PPFIBP2: variants seen among roughly 807,000 people sequenced by gnomAD.
The protein encoded by PPFIBP2 is liprin-beta-2.
In PPFIBP2, 118 loss-of-function variants were observed where a neutral mutation model predicts 118.3. The observed-to-expected ratio is 1.00, with a 90% CI of 0.86 to 1.16. The LOEUF is 1.16. Among genes scored for constraint, PPFIBP2 ranks in the 50% most tolerant of loss-of-function variants. The probability of loss-of-function intolerance (pLI) is 0.00; values close to 1 mark genes in which losing one functional copy is unlikely to be tolerated. For synonymous variants in PPFIBP2, 414 were observed against 397.4 expected, an observed-to-expected ratio of 1.04 and a Z score of -0.50; for missense variants, 1,195 against 1,073.1, an observed-to-expected ratio of 1.11 and a Z score of -1.59.
At chr11:7,559,218 G>A (rs183999270) in intron 2 of PPFIBP2, among the ~76,000 whole-genome samples, 46 of 152,310 alleles carry the variant, frequency 3.0e-4, no homozygotes, top group African/African-American at 9.6e-4. Flanking sequence ...AGAAATCTGG[G>A]GGGCAAATCT....
At chr11:7,626,040 C>A in intron 8 of PPFIBP2, 149 bp downstream of exon 8, 1 of 653,770 alleles carries the variant, frequency 1.5e-6, no homozygotes, top group Non-Finnish European at 2.7e-6. Context: ...CAAGCGTGGC[C>A]AAGTGAATGG....
rs1453240909 is a variant in PPFIBP2, at chr11:7,653,212, T to G, written c.2625T>G (p.Ile875Met). The G allele has an allele frequency of 1.9e-6, 3 of 1,614,146 alleles. No individual in the cohort carries two copies. The highest frequency in any genetic ancestry group is 3.3e-5 in the Admixed American group (2 of 60,026). Reference protein sequence around the residue: ...ELDGLDQVGQIS With the variant: ...ELDGLDQVGQMS ...ATGGGCTGGACCAGGTGGGACAGAT[T>G]AGCTGATGCCCTTGTCACCTGCCCT... The change falls in exon 24 of 24, where the codon ATT becomes ATG. Residue 875 changes from isoleucine (I) to methionine (M), a missense_variant. By Grantham distance (10) the Ile-to-Met change is conservative. Coordinates refer to ENST00000299492, the MANE Select transcript of PPFIBP2 (RefSeq NM_003621.5).
intron 1 of PPFIBP2, among the ~76,000 whole-genome samples, chr11:7,520,335 T>G (rs1217407100): frequency 6.6e-6 from 1 of 152,084 alleles, no homozygotes; most frequent in Non-Finnish European, 1.5e-5. Context: ...GTGGGTATTT[T>G]CCGGCTGGCT....
At chr11:7,664,136 C>A in the PPFIBP2 span, among the ~76,000 whole-genome samples, 4 of 152,030 alleles carry the variant, frequency 2.6e-5, no homozygotes, top group Non-Finnish European at 5.9e-5. Flanking sequence ...AGCTGTAGAC[C>A]GGAGCTGTTC....
intron 14 of PPFIBP2, among the ~76,000 whole-genome samples, chr11:7,636,003 T>C (rs1224146894): frequency 1.3e-5 from 2 of 152,198 alleles, no homozygotes; most frequent in Admixed American, 1.3e-4. Flanking sequence ...ACAAGTTATG[T>C]TATAAAAATT....
chr11:7,598,739 T>C (rs1349356174), intron 5 of PPFIBP2, among the ~76,000 whole-genome samples: 1 of 149,768 alleles, frequency 6.7e-6, no homozygotes, highest in African/African-American at 2.4e-5. Flanking sequence ...AGCGCTAGCA[T>C]TTTTTTTTTA....
chr11:7,630,792 C>T (rs1850649308), intron 10 of PPFIBP2, 133 bp from the exon 11 acceptor site: 2 of 699,682 alleles, frequency 2.9e-6, no homozygotes, highest in Non-Finnish European at 5.0e-6. Flanking sequence ...TTCAGAATCA[C>T]ACTCTTACTG....
intron 3 of PPFIBP2, among the ~76,000 whole-genome samples, chr11:7,573,741 C>G (rs1464058680): frequency 6.6e-6 from 1 of 152,192 alleles, no homozygotes; most frequent in Non-Finnish European, 1.5e-5. Flanking sequence ...TGCACCATGT[C>G]TGTTGAAGGA....
rs531106991 is a variant in PPFIBP2, at chr11:7,653,296, C to T, written c.*78C>T. 26 of 1,587,696 alleles carry T rather than the reference C, an allele frequency of 1.6e-5. No individual in the cohort carries two copies. The South Asian group carries it at 2.4e-4, about 15-fold the overall frequency. On this transcript the variant is annotated 3_prime_UTR_variant, in exon 24 of 24. Coordinates refer to ENST00000299492, the MANE Select transcript of PPFIBP2 (RefSeq NM_003621.5). ...TGTGTCACCATATAACTGCACCTCA[C>T]CCCCGCACGTGTGCATGACTCGCAG...
chr11:7,578,082 A>T lies in PPFIBP2; in HGVS notation c.279+12315A>T, dbSNP rs148631659. Among the ~76,000 whole-genome samples, 1,355 of 152,370 alleles carry T rather than the reference A, an allele frequency of 8.9e-3. 31 individuals are homozygous for T. Among genetic ancestry groups the T allele is most frequent in the Admixed American group, 0.035 (542 of 15,306 alleles). On this transcript the variant is annotated intron_variant, in intron 3 of 23. Transcript: ENST00000299492. ...GGTGGAGCACACATCTGCTGTCAGC[A>T]GAATGAGCTTCTGCATTTCCGGAGG...
chr11:7,539,115 T>C (rs147090299), intron 1 of PPFIBP2: 2 of 152,394 alleles, frequency 1.3e-5, no homozygotes, highest in East Asian at 3.9e-4. Flanking sequence ...CTTCTATTCA[T>C]TGACAAAACA....
At chr11:7,519,771 T>G (rs894528769) in intron 1 of PPFIBP2, among the ~76,000 whole-genome samples, 1 of 152,024 alleles carries the variant, frequency 6.6e-6, no homozygotes, top group Non-Finnish European at 1.5e-5. Context: ...GGCTTAGAGG[T>G]GTCCCCCTAA....
chr11:7,577,265 A>C, intron 3 of PPFIBP2: 1 of 188,114 alleles, frequency 5.3e-6, no homozygotes, highest in Admixed American at 5.7e-5. Context: ...GTGACATTTG[A>C]TTTCTCCGCA....
chr11:7,545,796 A>G (rs921252445), intron 1 of PPFIBP2, among the ~76,000 whole-genome samples: 1 of 152,210 alleles, frequency 6.6e-6, no homozygotes, highest in Non-Finnish European at 1.5e-5. Flanking sequence ...CTTTATGCTA[A>G]TGAGGCCACT....
intron 17 of PPFIBP2, 118 bp from the exon 18 acceptor site, chr11:7,648,268 TA>T: frequency 1.7e-6 from 2 of 1,204,206 alleles, no homozygotes; most frequent in African/African-American, 1.5e-5. Context: ...GGTTGTTTGT[TA>T]AAAAACAGGT....
intron 18 of PPFIBP2, 35 bp downstream of exon 18, chr11:7,648,572 T>A (rs764914670): frequency 6.2e-7 from 1 of 1,609,298 alleles, no homozygotes; most frequent in Non-Finnish European, 8.5e-7. Flanking sequence ...AGGCTCCCAT[T>A]TCTCCCCAAA....
rs147285470 is a variant in PPFIBP2, at chr11:7,526,849, A to G, written c.-37+12728A>G. 1.8e-4 allele frequency among the ~76,000 whole-genome samples: 27 copies of G among 152,220 alleles called. No homozygotes were observed. In the East Asian group the frequency reaches 4.9e-3, roughly 27 times the overall value. On this transcript the variant is annotated intron_variant, in intron 1 of 23. Coordinates refer to ENST00000299492, the MANE Select transcript of PPFIBP2 (RefSeq NM_003621.5). The stretch of plus-strand genomic sequence containing the variant: ...GTCTTTGTGGGCTGAAAATGAGACT[A>G]TGATCCCAAGAAGTGACTGGACTGT...
chr11:7,661,351 CT>C (rs1471697079), downstream of PPFIBP2, among the ~76,000 whole-genome samples: 3 of 150,878 alleles, frequency 2.0e-5, no homozygotes, highest in African/African-American at 7.3e-5. Context: ...TGTTGTGTCT[CT>C]GTTCTCGTTG....
At chr11:7,617,622 G>A (rs1352686167) in intron 6 of PPFIBP2, among the ~76,000 whole-genome samples, 2 of 152,102 alleles carry the variant, frequency 1.3e-5, no homozygotes, top group Non-Finnish European at 1.5e-5. Flanking sequence ...TCAGGTATGT[G>A]ACTCAGATAC....
Sources: gnomAD v4.1 joint callset for allele counts (sites outside exome capture counted in the v4.1 genomes callset) on GRCh38, gnomAD v4.1.1 for gene constraint, MANE v1.5 for transcripts, NCBI Gene and HGNC (gene_info 2026-07-23, HGNC 2026-07-21) for gene names.